Variants in LHFPL6 observed in about 807,000 individuals in gnomAD.
The protein encoded by LHFPL6 is LHFPL tetraspan subfamily member 6, also known as LHFPL tetraspan subfamily member 6 protein.
A neutral mutation model predicts 20.6 loss-of-function variants in LHFPL6; 9 were observed. That is an observed-to-expected ratio of 0.44 (90% CI 0.26 to 0.76). The LOEUF (loss-of-function observed/expected upper bound fraction) is 0.76. Ranked by LOEUF, LHFPL6 falls within the 30% of genes least tolerant of loss-of-function variation. The probability of loss-of-function intolerance (pLI) is 0.20; values close to 1 mark genes in which losing one functional copy is unlikely to be tolerated. For missense variants in LHFPL6, 218 were observed against 253.5 expected (o/e 0.86, Z 0.95); for synonymous variants, 105 against 98.7 (o/e 1.06, Z -0.38).
chr13:39,476,670 C>A (rs1873090821), intron 2 of LHFPL6, among the ~76,000 whole-genome samples: 2 of 152,152 alleles, frequency 1.3e-5, no homozygotes, highest in African/African-American at 4.8e-5. Flanking sequence ...ATCTCTGGAA[C>A]ATAAGTCTGG....
chr13:39,491,705 A>G (rs1868930714), intron 2 of LHFPL6, among the ~76,000 whole-genome samples: 1 of 152,228 alleles, frequency 6.6e-6, no homozygotes. Flanking sequence ...AGGGCTGTCC[A>G]ATACAAATTT....
chr13:39,525,796 AG>A (rs1381791786), intron 2 of LHFPL6, among the ~76,000 whole-genome samples: 9 of 152,214 alleles, frequency 5.9e-5, no homozygotes, highest in Non-Finnish European at 2.9e-5. Context: ...TGCATGCAAA[AG>A]GCATTTATTA....
chr13:39,392,118 ATC>A (rs1258426912), intron 2 of LHFPL6, among the ~76,000 whole-genome samples: 1 of 152,208 alleles, frequency 6.6e-6, no homozygotes, highest in Non-Finnish European at 1.5e-5. Flanking sequence ...TTTAAATCAC[ATC>A]TGTCTTTAGT....
chr13:39,484,262 T>C (rs1868636708), intron 2 of LHFPL6, among the ~76,000 whole-genome samples: 1 of 152,162 alleles, frequency 6.6e-6, no homozygotes, highest in Non-Finnish European at 1.5e-5. Flanking sequence ...TCTTTCACCC[T>C]AAAATGTGTT....
At chr13:39,371,885 T>C (rs926535389) in intron 3 of LHFPL6, among the ~76,000 whole-genome samples, 3 of 152,202 alleles carry the variant, frequency 2.0e-5, no homozygotes, top group Admixed American at 2.0e-4. Flanking sequence ...TCTGATTCCA[T>C]TTCTGGGGAG....
intron 2 of LHFPL6, among the ~76,000 whole-genome samples, chr13:39,468,324 T>C (rs139478525): frequency 2.8e-4 from 43 of 152,330 alleles, no homozygotes; most frequent in African/African-American, 9.9e-4. Flanking sequence ...CATTAAACAG[T>C]TCCCTTTATA....
intron 2 of LHFPL6, among the ~76,000 whole-genome samples, chr13:39,484,088 A>G (rs1868630445): frequency 1.3e-5 from 2 of 152,152 alleles, no homozygotes; most frequent in Admixed American, 1.3e-4. Flanking sequence ...GATTCCATCC[A>G]GATCTGTGCT....
chr13:39,400,731 C>T (rs1430345051), intron 2 of LHFPL6, among the ~76,000 whole-genome samples: 8 of 120,456 alleles, frequency 6.6e-5, no homozygotes, highest in African/African-American at 2.2e-4. Context: ...TGCAGTGAGC[C>T]GAGATCCCGC....
At chr13:39,567,908 G>A (rs1171402176) in intron 2 of LHFPL6, among the ~76,000 whole-genome samples, 1 of 152,138 alleles carries the variant, frequency 6.6e-6, no homozygotes, top group Non-Finnish European at 1.5e-5. Context: ...AGACCCTATG[G>A]CCCACGAAGC....
At chr13:39,425,263 A>G (rs771531010) in intron 2 of LHFPL6, among the ~76,000 whole-genome samples, 15 of 152,200 alleles carry the variant, frequency 9.9e-5, no homozygotes, top group Non-Finnish European at 1.6e-4. Flanking sequence ...ATTCATCTTT[A>G]TTGTAACAGT....
intron 1 of LHFPL6, among the ~76,000 whole-genome samples, 175 bp downstream of exon 1, chr13:39,602,707 AC>A (rs1281039446): frequency 6.6e-6 from 1 of 151,980 alleles, no homozygotes; most frequent in African/African-American, 2.4e-5. Context: ...GGAAGGCAGC[AC>A]CCCCCGGAGG....
intron 2 of LHFPL6, among the ~76,000 whole-genome samples, chr13:39,473,333 A>G (rs1464622094): frequency 1.4e-5 from 2 of 143,954 alleles, no homozygotes; most frequent in African/African-American, 5.5e-5. Flanking sequence ...AAGATACTAG[A>G]TCACACACAA....
At chr13:39,580,394 C>T (rs1213906321) in intron 2 of LHFPL6, among the ~76,000 whole-genome samples, 1 of 151,896 alleles carries the variant, frequency 6.6e-6, no homozygotes, top group African/African-American at 2.4e-5. Context: ...ATATTTACCA[C>T]GTCCTGAATA....
chr13:39,574,209 G>A (rs965091322), intron 2 of LHFPL6, among the ~76,000 whole-genome samples: 13 of 152,176 alleles, frequency 8.5e-5, no homozygotes, highest in African/African-American at 1.4e-4. Context: ...AAGGCCGGGC[G>A]CGGTGGCTCA....
In LHFPL6 at chr13:39,400,565, C is replaced by T. The variant is rs192469100; in HGVS notation, c.386-22039G>A. On this transcript the variant is annotated intron_variant, in intron 2 of 3. Coordinates refer to ENST00000379589, the MANE Select transcript of LHFPL6 (RefSeq NM_005780.3). Reference sequence around the variant, plus strand: ...TTGGGAGGCCGAGGCGGGCGGATCACGAGGTCAGGAGATCGAGACCATCCC... The same window carrying T: ...TTGGGAGGCCGAGGCGGGCGGATCATGAGGTCAGGAGATCGAGACCATCCC... Among the ~76,000 whole-genome samples the T allele has an allele frequency of 5.9e-5, 9 of 151,872 alleles. No individual in the cohort carries two copies. In the East Asian group the frequency reaches 9.7e-4, roughly 16 times the overall value.
intron 2 of LHFPL6, among the ~76,000 whole-genome samples, chr13:39,477,421 G>C (rs1873110651): frequency 6.6e-6 from 1 of 152,114 alleles, no homozygotes; most frequent in Non-Finnish European, 1.5e-5. Context: ...AAGAATTATA[G>C]AATATCATGC....
intron 2 of LHFPL6, among the ~76,000 whole-genome samples, chr13:39,378,727 A>C (rs540164066): frequency 6.6e-6 from 1 of 152,326 alleles, no homozygotes; most frequent in African/African-American, 2.4e-5. Context: ...AAAAAACTTG[A>C]CAGCTCAGTT....
In LHFPL6 at chr13:39,352,909, A is replaced by ATGTATATATATC. The variant is rs71077229; in HGVS notation, c.485-8856_485-8855insGATATATATACA. ...TATATATATGTGTATATATATATAA[A>ATGTATATATATC]TGTATATATATATAAATGTATATAT... On this transcript the variant is annotated intron_variant, in intron 3 of 3. Coordinates refer to ENST00000379589, the MANE Select transcript of LHFPL6 (RefSeq NM_005780.3). Among the ~76,000 whole-genome samples the ATGTATATATATC allele has an allele frequency of 4.8e-5, 2 of 42,002 alleles. 1 individual carries two copies. The highest frequency in any genetic ancestry group is 9.5e-5 in the Non-Finnish European group (2 of 21,100). 27.6% of individuals were successfully genotyped at this position (42,002 alleles called of 152,430 possible).
At chr13:39,539,599 C>G in intron 2 of LHFPL6, among the ~76,000 whole-genome samples, 1 of 152,190 alleles carries the variant, frequency 6.6e-6, no homozygotes, top group Admixed American at 6.5e-5. Context: ...GGAGAATAAA[C>G]ACAGGTGCCA....
Sources: allele counts gnomAD v4.1 joint callset (sites outside exome capture counted in the v4.1 genomes callset), GRCh38; gene constraint gnomAD v4.1.1; transcripts MANE v1.5; gene names NCBI Gene and HGNC (gene_info 2026-07-23, HGNC 2026-07-21).